Variants in XKR4 observed in about 807,000 individuals in gnomAD.
The protein encoded by XKR4 is XK-related protein 4.
In XKR4, 12 loss-of-function variants were observed where a neutral mutation model predicts 53.9. The ratio of observed to expected loss-of-function variants is 0.22; its 90% CI spans 0.14 to 0.36. The LOEUF (loss-of-function observed/expected upper bound fraction) is 0.36. Among genes scored for constraint, XKR4 ranks in the 10% least tolerant of loss-of-function variants. The pLI is 1.00. For missense variants in XKR4, 799 were observed against 859.5 expected, an observed-to-expected ratio of 0.93 and a Z score of 0.88; for synonymous variants, 354 against 362.4, an observed-to-expected ratio of 0.98 and a Z score of 0.26.
intron 2 of XKR4, among the ~76,000 whole-genome samples, chr8:55,418,570 C>A (rs528442461): frequency 6.6e-6 from 1 of 152,294 alleles, no homozygotes; most frequent in South Asian, 2.1e-4. Flanking sequence ...GTCTAACCGG[C>A]CTCCCCTCTT....
At chr8:55,511,071 A>G (rs554275629) in intron 2 of XKR4, among the ~76,000 whole-genome samples, 5 of 152,322 alleles carry the variant, frequency 3.3e-5, no homozygotes, top group Non-Finnish European at 5.9e-5. Context: ...GCATTATTAA[A>G]TGGTCCCAGC....
intron 1 of XKR4, among the ~76,000 whole-genome samples, chr8:55,330,515 A>T (rs961009901): frequency 6.6e-6 from 1 of 152,174 alleles, no homozygotes; most frequent in African/African-American, 2.4e-5. Flanking sequence ...ATTAAAAAAA[A>T]ATACATTGTT....
chr8:55,353,691 A>C (rs768200805), intron 1 of XKR4, among the ~76,000 whole-genome samples: 2 of 152,224 alleles, frequency 1.3e-5, no homozygotes, highest in Admixed American at 6.5e-5. Context: ...TATTTATTCA[A>C]AAATGTGCCT....
At chr8:55,442,883 T>C (rs1459304873) in intron 2 of XKR4, among the ~76,000 whole-genome samples, 1 of 152,084 alleles carries the variant, frequency 6.6e-6, no homozygotes, top group Non-Finnish European at 1.5e-5. Flanking sequence ...GTGATGAAAA[T>C]GTTCTGGAAT....
chr8:55,445,434 T>G (rs1585576562), intron 2 of XKR4, among the ~76,000 whole-genome samples: 2 of 152,174 alleles, frequency 1.3e-5, no homozygotes, highest in East Asian at 3.9e-4. Flanking sequence ...GATTATTTTA[T>G]ATGTATTTAA....
chr8:55,184,000 A>C (rs1817345337), intron 1 of XKR4, among the ~76,000 whole-genome samples: 1 of 152,068 alleles, frequency 6.6e-6, no homozygotes, highest in Non-Finnish European at 1.5e-5. Flanking sequence ...TTCTTATCAA[A>C]CTTTCCCGAA....
chr8:55,233,714 G>A (rs997593301), intron 1 of XKR4, among the ~76,000 whole-genome samples: 2 of 152,356 alleles, frequency 1.3e-5, no homozygotes, highest in Middle Eastern at 3.4e-3. Flanking sequence ...AAATCATGAA[G>A]TCTGACATTT....
chr8:55,150,358 A>G (rs756633413), intron 1 of XKR4, among the ~76,000 whole-genome samples: 2 of 152,244 alleles, frequency 1.3e-5, no homozygotes, highest in Non-Finnish European at 2.9e-5. Context: ...ATGTTTTAGT[A>G]TATGGGTTGC....
intron 1 of XKR4, among the ~76,000 whole-genome samples, chr8:55,324,520 T>C (rs1803266104): frequency 6.6e-6 from 1 of 152,234 alleles, no homozygotes; most frequent in African/African-American, 2.4e-5. Flanking sequence ...CATGTTCTCA[T>C]TATTATACAA....
At chr8:55,247,864 T>TCTTTCTTTCTTTCTTTCTTTC (rs1440262405) in intron 1 of XKR4, among the ~76,000 whole-genome samples, 2 of 126,030 alleles carry the variant, frequency 1.6e-5, no homozygotes, top group Non-Finnish European at 3.6e-5. Context: ...TCTTTTTTTT[T>TCTTTCTTTCTTTCTTTCTTTC]TTTTTTTTTT....
At position 55,264,497 on chromosome 8, in the gene XKR4, G is replaced by C. The variant is rs183486171; in HGVS notation, c.807-93181G>C. Among the ~76,000 whole-genome samples the C allele has an allele frequency of 5.9e-5, 9 of 152,296 alleles. No homozygotes were observed. In the East Asian group the frequency reaches 1.7e-3, roughly 29 times the overall value. On this transcript the variant is annotated intron_variant, in intron 1 of 2. Coordinates refer to ENST00000327381, the MANE Select transcript of XKR4 (RefSeq NM_052898.2). The stretch of plus-strand genomic sequence containing the variant: ...CTGGCTAACATCTGTAGGGTTACTA[G>C]AACAATCAGTATGATTATTCACAAC...
intron 1 of XKR4, among the ~76,000 whole-genome samples, chr8:55,255,245 G>T (rs4737983): frequency 1.9e-4 from 29 of 152,268 alleles, no homozygotes; most frequent in Admixed American, 5.9e-4. Context: ...AATTTTACTA[G>T]CGGTGTGGCC....
At chr8:55,345,823 G>A (rs932257134) in intron 1 of XKR4, among the ~76,000 whole-genome samples, 1 of 152,080 alleles carries the variant, frequency 6.6e-6, no homozygotes, top group East Asian at 1.9e-4. Flanking sequence ...AGCCTGCTCT[G>A]GTACTCTCAG....
chr8:55,237,587 A>T (rs147311898), intron 1 of XKR4, among the ~76,000 whole-genome samples: 3 of 152,302 alleles, frequency 2.0e-5, no homozygotes, highest in Admixed American at 6.5e-5. Context: ...AAATTGACCC[A>T]TGCAGTTCAA....
At chr8:55,259,613 G>C (rs763068112) in intron 1 of XKR4, among the ~76,000 whole-genome samples, 1 of 152,112 alleles carries the variant, frequency 6.6e-6, no homozygotes, top group Non-Finnish European at 1.5e-5. Flanking sequence ...GTGCGTGAGG[G>C]TGAAGCACAT....
At chr8:55,312,589 T>C (rs112564042) in intron 1 of XKR4, among the ~76,000 whole-genome samples, 2,734 of 152,310 alleles carry the variant, frequency 0.018, 64 homozygotes, top group African/African-American at 0.053. Context: ...GGAATGATCA[T>C]TGGAATTTAG....
At position 55,308,750 on chromosome 8, in the gene XKR4, A is replaced by T. The variant is rs1034879732; in HGVS notation, c.807-48928A>T. Among the ~76,000 whole-genome samples the T allele has an allele frequency of 7.9e-5, 12 of 152,260 alleles. 1 individual carries two copies. The highest frequency in any genetic ancestry group is 2.9e-4 in the African/African-American group (12 of 41,472). On this transcript the variant is annotated intron_variant, in intron 1 of 2. Transcript: ENST00000327381. ...TTGAAATAATCCAGAAACTGGAATC[A>T]GCCCAGACATCCTTCAACAGGTGAA...
In XKR4 at chr8:55,346,890, T is replaced by C. The variant is rs140322950; in HGVS notation, c.807-10788T>C. ...GCCAAACTGTTTAATGTACAAAAGA[T>C]AGCAAAATAAAATTCAATATTAGAA... On this transcript the variant is annotated intron_variant, in intron 1 of 2. Coordinates refer to ENST00000327381, the MANE Select transcript of XKR4 (RefSeq NM_052898.2). Among the ~76,000 whole-genome samples the C allele has an allele frequency of 5.7e-3, 861 of 152,316 alleles. 3 individuals carry two copies. The highest frequency in any genetic ancestry group is 0.017 in the African/African-American group (687 of 41,574).
chr8:55,353,410 C>T (rs1310512954), intron 1 of XKR4, among the ~76,000 whole-genome samples: 1 of 152,140 alleles, frequency 6.6e-6, no homozygotes, highest in Non-Finnish European at 1.5e-5. Context: ...GATGCCTCTA[C>T]AAGCTGAGGA....
Sources: allele counts gnomAD v4.1 joint callset (sites outside exome capture counted in the v4.1 genomes callset), GRCh38; gene constraint gnomAD v4.1.1; transcripts MANE v1.5; gene names NCBI Gene and HGNC (gene_info 2026-07-23, HGNC 2026-07-21).